ZFHX3: variants seen among roughly 807,000 people sequenced by gnomAD.
The protein encoded by ZFHX3 is zinc finger homeobox 3.
In ZFHX3, 42 loss-of-function variants were observed where a neutral mutation model predicts 279.1. The observed-to-expected ratio is 0.15, with a 90% CI of 0.12 to 0.19. The LOEUF (loss-of-function observed/expected upper bound fraction) is 0.19, where lower values mean the gene tolerates loss of function less well. ZFHX3 is among the 10% of genes least tolerant of loss of function. The probability of loss-of-function intolerance (pLI) is 1.00; values close to 1 mark genes in which losing one functional copy is unlikely to be tolerated. For synonymous variants in ZFHX3, 2,293 were observed against 1,957.8 expected, an observed-to-expected ratio of 1.17 and a Z score of -4.52; for missense variants, 4,981 against 4,754.0, an observed-to-expected ratio of 1.05 and a Z score of -1.40.
intron 5 of ZFHX3, among the ~76,000 whole-genome samples, chr16:73,149,526 C>T (rs1178478955): frequency 6.6e-6 from 1 of 152,212 alleles, no homozygotes; most frequent in African/African-American, 2.4e-5. Flanking sequence ...AAAGTCCATG[C>T]GCTACCAGCT....
intron 4 of ZFHX3, among the ~76,000 whole-genome samples, chr16:73,257,639 A>G (rs1241846089): frequency 6.6e-6 from 1 of 152,256 alleles, no homozygotes; most frequent in Admixed American, 6.5e-5. Flanking sequence ...CATTCATTCA[A>G]GAACGATTTA....
chr16:73,712,411 A>C (rs756844436), intron 1 of ZFHX3, among the ~76,000 whole-genome samples: 1 of 152,122 alleles, frequency 6.6e-6, no homozygotes, highest in African/African-American at 2.4e-5. Context: ...CAGGCCTCTG[A>C]AATCTCTGAC....
chr16:73,600,299 G>A (rs2052098106), intron 2 of ZFHX3, among the ~76,000 whole-genome samples: 1 of 152,036 alleles, frequency 6.6e-6, no homozygotes, highest in East Asian at 1.9e-4. Context: ...ATGGTACCTG[G>A]GACATCACCA....
At chr16:73,778,703 C>G (rs1959347312) in intron 1 of ZFHX3, among the ~76,000 whole-genome samples, 1 of 152,180 alleles carries the variant, frequency 6.6e-6, no homozygotes, top group African/African-American at 2.4e-5. Context: ...TCTGAAGCGC[C>G]TTGCTGTTGC....
At chr16:72,949,911 C>CTTTTTTTT (rs774934563) in intron 3 of ZFHX3, among the ~76,000 whole-genome samples, 10 of 116,058 alleles carry the variant, frequency 8.6e-5, no homozygotes, top group Non-Finnish European at 1.2e-4. Context: ...ATTTTCTTTT[C>CTTTTTTTT]TTTTTTTTTT....
chr16:73,140,330 T>G (rs1382752679), intron 6 of ZFHX3, among the ~76,000 whole-genome samples: 1 of 152,120 alleles, frequency 6.6e-6, no homozygotes, highest in East Asian at 1.9e-4. Flanking sequence ...ATCCGTATCT[T>G]GTGTAGGGAT....
At chr16:73,671,233 A>G (rs2052900969) in intron 2 of ZFHX3, among the ~76,000 whole-genome samples, 1 of 152,240 alleles carries the variant, frequency 6.6e-6, no homozygotes, top group Admixed American at 6.5e-5. Context: ...GATTAACCAC[A>G]TTTGCTCACA....
chr16:73,035,546 A>G (rs1265358704), intron 1 of ZFHX3, among the ~76,000 whole-genome samples: 4 of 152,226 alleles, frequency 2.6e-5, no homozygotes, highest in African/African-American at 9.6e-5. Context: ...TCAAGTATAA[A>G]CTAAGAAAAA....
rs368062772 is a variant in ZFHX3, at chr16:73,325,928, A to AAAACACACAC, written c.-1290-7593_-1290-7592insGTGTGTGTTT. Among the ~76,000 whole-genome samples the AAAACACACAC allele has an allele frequency of 1.0e-3, 147 of 145,554 alleles. 1 individual carries two copies. The highest frequency in any genetic ancestry group is 1.2e-3 in the African/African-American group (48 of 39,858). ...ACACACACACACACACACACACACAAACACACACACACACACACACACAGG... is the reference window on the plus strand; with the variant it reads ...ACACACACACACACACACACACACAAAAACACACACACACACACACACACACACACACAGG... On this transcript the variant is annotated intron_variant, in intron 3 of 17. Transcript: ENST00000641206.
At chr16:72,877,739 C>G (rs139762238) in intron 4 of ZFHX3, among the ~76,000 whole-genome samples, 13 of 152,344 alleles carry the variant, frequency 8.5e-5, no homozygotes, top group African/African-American at 3.1e-4. Context: ...TGATCCCAGA[C>G]AAGCACGTGC....
chr16:73,392,539 A>G (rs1166084277), intron 3 of ZFHX3, among the ~76,000 whole-genome samples: 1 of 151,866 alleles, frequency 6.6e-6, no homozygotes, highest in Non-Finnish European at 1.5e-5. Flanking sequence ...GAGTTTATCC[A>G]TAAGGGAGTA....
chr16:73,314,946 G>A (rs2015407830), intron 4 of ZFHX3, among the ~76,000 whole-genome samples: 2 of 152,214 alleles, frequency 1.3e-5, no homozygotes, highest in South Asian at 4.1e-4. Context: ...AAATAATTCA[G>A]GCTGGGCGTG....
chr16:73,210,888 T>C (rs1444965368), intron 5 of ZFHX3, among the ~76,000 whole-genome samples: 1 of 152,166 alleles, frequency 6.6e-6, no homozygotes, highest in African/African-American at 2.4e-5. Context: ...GCAGGTGGGA[T>C]GCACAGATAG....
chr16:73,670,819 T>G (rs1048938407), intron 2 of ZFHX3, among the ~76,000 whole-genome samples: 1 of 152,170 alleles, frequency 6.6e-6, no homozygotes. Flanking sequence ...AAATGAAATA[T>G]TCAACAAAGT....
At chr16:72,833,720 G>A (rs779534911) in intron 4 of ZFHX3, among the ~76,000 whole-genome samples, 7 of 152,144 alleles carry the variant, frequency 4.6e-5, no homozygotes, top group Non-Finnish European at 5.9e-5. Context: ...TGGGCAGGAG[G>A]TAGCAGGCCC....
intron 4 of ZFHX3, among the ~76,000 whole-genome samples, chr16:72,851,557 TCA>T (rs1317461970): frequency 6.6e-6 from 1 of 151,764 alleles, no homozygotes; most frequent in African/African-American, 2.4e-5. Context: ...GATTCCAATT[TCA>T]CTTTTTTTTT....
At chr16:73,294,148 G>C (rs983962709) in intron 4 of ZFHX3, 1 of 152,146 alleles carries the variant, frequency 6.6e-6, no homozygotes, top group African/African-American at 2.4e-5. Context: ...ATGACAATTG[G>C]ATATATACAG....
upstream of ZFHX3, chr16:73,048,404 GCTTGGGGCGCGGGC>G (rs1965380478): frequency 2.0e-5 from 3 of 151,710 alleles, no homozygotes; most frequent in South Asian, 6.2e-4. Flanking sequence ...CGCTCGCTCC[GCTTGGGGCGCGGGC>G]CTTGGGGCAG....
At chr16:72,939,157 C>T (rs1960286128) in intron 3 of ZFHX3, among the ~76,000 whole-genome samples, 1 of 152,140 alleles carries the variant, frequency 6.6e-6, no homozygotes, top group African/African-American at 2.4e-5. Flanking sequence ...GGCACAGGAG[C>T]TATGGGAGGA....
Sources: gnomAD v4.1 joint callset for allele counts (sites outside exome capture counted in the v4.1 genomes callset) on GRCh38, gnomAD v4.1.1 for gene constraint, MANE v1.5 for transcripts, NCBI Gene and HGNC (gene_info 2026-07-23, HGNC 2026-07-21) for gene names.